Variants in GNAS observed in about 807,000 individuals in gnomAD.
GNAS encodes GNAS complex locus.
In GNAS, 8 loss-of-function variants were observed where a neutral mutation model predicts 54.5. The ratio of observed to expected loss-of-function variants is 0.15; its 90% CI spans 0.09 to 0.26. GNAS has a LOEUF of 0.26. GNAS is among the 10% of genes least tolerant of loss of function. GNAS has a pLI of 1.00. For synonymous variants in GNAS, 204 were observed against 191.4 expected, an observed-to-expected ratio of 1.07 and a Z score of -0.54; for missense variants, 170 against 529.8, an observed-to-expected ratio of 0.32 and a Z score of 6.67.
At position 58,903,188 on chromosome 20, in the gene GNAS, A is replaced by G. The variant is rs1291215315; in HGVS notation, c.258-343A>G. Reference sequence around the variant, plus strand: ...TCACTCCAGCCTCACCCCTACCCAGATGTTGATAGGACCAGGAGAAGCCTT... The same window carrying G: ...TCACTCCAGCCTCACCCCTACCCAGGTGTTGATAGGACCAGGAGAAGCCTT... On this transcript the variant is annotated intron_variant, in intron 3 of 12. Coordinates refer to ENST00000371085, the MANE Select transcript of GNAS (RefSeq NM_000516.7). 20 of 414,414 alleles carry G rather than the reference A, an allele frequency of 4.8e-5. No individual in the cohort carries two copies. The Admixed American group carries it at 7.1e-4, about 15-fold the overall frequency. The allele number at this position is 414,414 out of a possible 1,614,324, so 25.7% of individuals were successfully genotyped here. A position where few individuals can be genotyped will look rare whatever the true frequency, so the allele number is the denominator to read the frequency against.
chr20:58,911,083 A>AAAAC lies in GNAS; in HGVS notation c.*256_*259dup, dbSNP rs754525622. ...CCTCTCACTTTCAGTAAAAATAAATAAAACAGCAGCAGCAAACAAATAAAA... is the reference window on the plus strand; with the variant it reads ...CCTCTCACTTTCAGTAAAAATAAATAAAACAAACAGCAGCAGCAAACAAATAAAA... On this transcript the variant is annotated 3_prime_UTR_variant, in exon 13 of 13. Transcript: ENST00000371085. The AAAAC allele has an allele frequency of 1.6e-6, 1 of 639,764 alleles. No homozygotes were observed. Among genetic ancestry groups the AAAAC allele is most frequent in the South Asian group, 1.5e-5 (1 of 64,564 alleles). The allele number at this position is 639,764 out of a possible 1,614,324, so 39.6% of individuals were successfully genotyped here. A position where few individuals can be genotyped will look rare whatever the true frequency, so the allele number is the denominator to read the frequency against.
intron 5 of GNAS, 107 bp from the exon 6 acceptor site, chr20:58,905,276 C>G: frequency 5.4e-6 from 4 of 746,262 alleles, no homozygotes; most frequent in Non-Finnish European, 9.8e-6. Flanking sequence ...CAAAATCACA[C>G]CAAGTGTCGG....
At position 58,855,513 on chromosome 20, in the gene GNAS, A is replaced by T. The variant is rs75029190; in HGVS notation, c.43+14627A>T. Reference sequence around the variant, plus strand: ...CTAACTGCCCTGGGAGCGGGAGGGGATCTTTGGTGGATTCGGGTGGCCGAA... The same window carrying T: ...CTAACTGCCCTGGGAGCGGGAGGGGTTCTTTGGTGGATTCGGGTGGCCGAA... On this transcript the variant is annotated intron_variant, in intron 1 of 12. Coordinates refer to the GNAS transcript ENST00000306090. 30,899 of 731,540 alleles carry T rather than the reference A, an allele frequency of 0.042. 1,661 individuals are homozygous for T. Among genetic ancestry groups the T allele is most frequent in the African/African-American group, 0.21 (12,096 of 57,464 alleles). The allele number at this position is 731,540 out of a possible 1,614,324, so 45.3% of individuals were successfully genotyped here.
At chr20:58,898,365 T>C (rs1053422805) in intron 2 of GNAS, 2 of 152,232 alleles carry the variant, frequency 1.3e-5, no homozygotes, top group African/African-American at 4.8e-5. Flanking sequence ...TTTTTTTTGC[T>C]ACATCACAGT....
rs2086270221 is a variant in GNAS, at chr20:58,853,502, G to A, written c.43+12616G>A. ...CAGAGGTCTCCAGACCCAACTTTCA[G>A]GTCCTCAACCCGGCATTCAGGGAAG... On this transcript the variant is annotated intron_variant, in intron 1 of 12. Transcript: ENST00000306090. The surrounding 1 kb of genome is among the most constrained non-coding windows in gnomAD (Gnocchi z 4.4). 6.2e-7 allele frequency: 1 copy of A among 1,613,216 alleles called. No individual in the cohort carries two copies.
chr20:58,893,319 G>A (rs916845669), intron 1 of GNAS, among the ~76,000 whole-genome samples: 14 of 151,318 alleles, frequency 9.3e-5, no homozygotes, highest in African/African-American at 3.2e-4. Flanking sequence ...TTCTTAAGGT[G>A]CTGTTTTGGG....
At chr20:58,884,197 A>G (rs1051649571) in intron 1 of GNAS, among the ~76,000 whole-genome samples, 1 of 152,238 alleles carries the variant, frequency 6.6e-6, no homozygotes, top group South Asian at 2.1e-4. Flanking sequence ...GCAGGTAGAT[A>G]AAATCTGAAG....
intron 1 of GNAS, among the ~76,000 whole-genome samples, chr20:58,845,887 C>CG (rs1172714629): frequency 6.6e-6 from 1 of 152,178 alleles, no homozygotes; most frequent in Non-Finnish European, 1.5e-5. Flanking sequence ...CAACTATTCC[C>CG]GGGTAGAAAT....
At chr20:58,872,411 A>G (rs893820590) in intron 1 of GNAS, among the ~76,000 whole-genome samples, 4 of 152,214 alleles carry the variant, frequency 2.6e-5, no homozygotes, top group African/African-American at 4.8e-5. Context: ...AGCAAACCCT[A>G]AGGTTAAAAG....
At chr20:58,905,314 T>C (rs568881167) in intron 5 of GNAS, 69 bp from the exon 6 acceptor site, 27 of 908,110 alleles carry the variant, frequency 3.0e-5, no homozygotes, top group Non-Finnish European at 1.3e-5. Context: ...GTCTCAGGGT[T>C]TGAATGACAG....
intron 2 of GNAS, chr20:58,897,314 C>T (rs1423023914): frequency 6.6e-6 from 1 of 152,238 alleles, no homozygotes; most frequent in Admixed American, 6.5e-5. Context: ...GACTTCCAAC[C>T]ATGAATCTGT....
intron 1 of GNAS, chr20:58,854,249 C>A: frequency 6.2e-7 from 1 of 1,613,276 alleles, no homozygotes; most frequent in Non-Finnish European, 8.5e-7. Flanking sequence ...TGGACAGCCC[C>A]CCAATCGCGC....
intron 1 of GNAS, among the ~76,000 whole-genome samples, chr20:58,876,408 T>G (rs1311838935): frequency 6.6e-6 from 1 of 152,152 alleles, no homozygotes; most frequent in Non-Finnish European, 1.5e-5. Flanking sequence ...ATTTTTTTAA[T>G]GTCACCCACC....
At chr20:58,902,709 A>G (rs1441185050) in intron 3 of GNAS, among the ~76,000 whole-genome samples, 1 of 135,356 alleles carries the variant, frequency 7.4e-6, no homozygotes. Context: ...CAGTGCCTGG[A>G]GCATCGCACA....
At chr20:58,861,962 C>T (rs1247436988) in intron 1 of GNAS, among the ~76,000 whole-genome samples, 1 of 152,064 alleles carries the variant, frequency 6.6e-6, no homozygotes. Context: ...GCCTCAGCCA[C>T]CCAAAGTGCT....
At chr20:58,898,190 A>C (rs543737782) in intron 2 of GNAS, 1 of 152,208 alleles carries the variant, frequency 6.6e-6, no homozygotes, top group African/African-American at 2.4e-5. Context: ...AAACTGTAGA[A>C]TGCTGCCCTT....
chr20:58,863,501 AAT>A lies in GNAS; in HGVS notation c.43+22616_43+22617del, dbSNP rs1224793623. ...ATCTCAAATTTATTATGAGTCAGTC[AAT>A]GTTTCCGACATTGTCACACACACAC... is the stretch of plus-strand genomic sequence containing the variant. On this transcript the variant is annotated intron_variant, in intron 1 of 12. Coordinates refer to the GNAS transcript ENST00000306090. This position sits in a 1 kb window ranked among gnomAD's most constrained non-coding sequence, Gnocchi z 4.1. The A allele has an allele frequency of 6.6e-6, 1 of 152,162 alleles. No individual in the cohort carries two copies. The allele number at this position is 152,162 out of a possible 1,614,324, so 9.4% of individuals were successfully genotyped here.
chr20:58,910,679 G>A lies in GNAS; in HGVS notation c.1039-4G>A, dbSNP rs575570315. 33 of 1,614,066 alleles carry A rather than the reference G, an allele frequency of 2.0e-5. No individual in the cohort carries two copies. Among genetic ancestry groups the A allele is most frequent in the Admixed American group, 1.2e-4 (7 of 60,008 alleles). ...CTGACAAGTCCCCTTGTTTGTGCCC[G>A]CAGAGGATCAGCACTGCCAGTGGAG... On this transcript the variant is annotated splice_polypyrimidine_tract_variant and splice_region_variant and intron_variant, in intron 12 of 12. Transcript: ENST00000371085. This position sits in a 1 kb window ranked among gnomAD's most constrained non-coding sequence, Gnocchi z 5.8.
In GNAS at chr20:58,896,882, CA is replaced by C. The variant is rs1284082205; in HGVS notation, c.212+1205del. On this transcript the variant is annotated intron_variant, in intron 2 of 12. Coordinates refer to ENST00000371085, the MANE Select transcript of GNAS (RefSeq NM_000516.7). ...GCGTTTAATTATACCAACCACCCCC[CA>C]AAAAAACAAACAAAACAAACAAAAA... Among the ~76,000 whole-genome samples, 5 of 152,026 alleles carry C rather than the reference CA, an allele frequency of 3.3e-5. No individual in the cohort carries two copies. In the South Asian group the frequency reaches 1.0e-3, roughly 32 times the overall value.
Sources: allele counts gnomAD v4.1 joint callset (sites outside exome capture counted in the v4.1 genomes callset), GRCh38; gene constraint gnomAD v4.1.1; non-coding constraint Gnocchi (gnomAD v3.1); transcripts MANE v1.5; gene names NCBI Gene and HGNC (gene_info 2026-07-23, HGNC 2026-07-21).